Variants in INTS1 observed in about 807,000 individuals in gnomAD.
INTS1 encodes integrator complex subunit 1.
In INTS1, 137 loss-of-function variants were observed where a neutral mutation model predicts 241.6. The observed-to-expected ratio is 0.57, with a 90% CI of 0.49 to 0.65. The LOEUF is 0.65. Ranked by LOEUF, INTS1 falls within the 30% of genes least tolerant of loss-of-function variation. The pLI is 0.00. For missense variants in INTS1, 3,073 were observed against 3,032.2 expected (o/e 1.01, Z -0.32); for synonymous variants, 1,692 against 1,337.8 (o/e 1.26, Z -5.78).
rs779969676 is a variant in INTS1 at position 1,479,652 on chromosome 7, C to G, written c.4107G>C (p.Gln1369His). ...IFPLSPDPRW[Q>H]SSSPRPVALA... ...GGGCCACGGGGCGGGGACTGGAGCT[C>G]TGCCACCGAGGGTCCGGGCTGAGCG... The change falls in exon 31 of 48, where the codon CAG (glutamine) becomes CAC (histidine). Residue 1369 changes from glutamine to histidine, a missense_variant. Transcript: ENST00000404767. The G allele has an allele frequency of 2.0e-6, 3 of 1,496,858 alleles. No individual in the cohort carries two copies. The highest frequency in any genetic ancestry group is 2.7e-6 in the Non-Finnish European group (3 of 1,120,044). The allele number at this position is 1,496,858 out of a possible 1,614,324, so 92.7% of individuals were successfully genotyped here. A position where few individuals can be genotyped will look rare whatever the true frequency, so the allele number is the denominator to read the frequency against.
At chr7:1,474,878 C>A (rs1022824404) in intron 39 of INTS1, 40 bp from the exon 40 acceptor site, 3 of 1,540,942 alleles carry the variant, frequency 1.9e-6, no homozygotes, top group African/African-American at 2.7e-5. Flanking sequence ...CCGCTGGCTC[C>A]CCTCACTTGC....
chr7:1,487,195 C>T (rs778820600), intron 20 of INTS1, 94 bp from the exon 21 acceptor site: 20 of 1,506,392 alleles, frequency 1.3e-5, no homozygotes, highest in South Asian at 3.8e-5. Flanking sequence ...AAGGGCGACA[C>T]GCAGCAGCCA....
Position 1,494,881 on chromosome 7 carries a change from C to A in INTS1, c.1845G>T (p.Val615=). 2 of 1,563,112 alleles carry A rather than the reference C, an allele frequency of 1.3e-6. No homozygotes were observed. The highest frequency in any genetic ancestry group is 1.7e-6 in the Non-Finnish European group (2 of 1,154,300). ...PKDYVHCLHK[V]LFTEQPETYY... ...AGGTCTCCGGCTGCTCTGTGAACAG[C>A]ACCTTGTGCAGGCTGGGCAGGCAGA... Residue 615 remains valine, a synonymous_variant, in exon 14 of 48, where the codon GTG becomes GTT. Coordinates refer to ENST00000404767, the MANE Select transcript of INTS1 (RefSeq NM_001080453.3).
intron 20 of INTS1, 34 bp downstream of exon 20, chr7:1,487,286 C>T (rs1190270740): frequency 2.6e-6 from 4 of 1,564,272 alleles, no homozygotes; most frequent in East Asian, 2.4e-5. Flanking sequence ...CTCCCAAGAC[C>T]ACCATCTCTA....
chr7:1,494,577 G>A (rs1782753116), intron 14 of INTS1: 12 of 581,304 alleles, frequency 2.1e-5, no homozygotes, highest in Non-Finnish European at 2.5e-5. Flanking sequence ...GGGAGGCTGC[G>A]GCTGGGGCTT....
chr7:1,499,702 C>T, intron 5 of INTS1, 70 bp from the exon 6 acceptor site: 1 of 1,519,868 alleles, frequency 6.6e-7, no homozygotes, highest in Non-Finnish European at 8.9e-7. Context: ...CACCCGCCTG[C>T]TGCCCGGGGA....
chr7:1,504,009 G>A lies in INTS1; in HGVS notation c.-41-8C>T, dbSNP rs771235816. On this transcript the variant is annotated splice_region_variant and splice_polypyrimidine_tract_variant and intron_variant, in intron 1 of 47. Coordinates refer to ENST00000404767, the MANE Select transcript of INTS1 (RefSeq NM_001080453.3). ...CGGCGGCTGCGGCGTCACCTGCGGA[G>A]GAGCCAGCGTGCGGTCATTCCTTCA... The A allele has an allele frequency of 1.8e-5, 25 of 1,402,284 alleles. No individual in the cohort carries two copies. Among genetic ancestry groups the A allele is most frequent in the Admixed American group, 4.3e-5 (2 of 46,018 alleles). The allele number at this position is 1,402,284 out of a possible 1,614,324, so 86.9% of individuals were successfully genotyped here. A position where few individuals can be genotyped will look rare whatever the true frequency, so the allele number is the denominator to read the frequency against.
At chr7:1,479,731 G>A (rs1252094678) in intron 30 of INTS1, 47 bp from the exon 31 acceptor site, 3 of 1,436,956 alleles carry the variant, frequency 2.1e-6, no homozygotes, top group East Asian at 2.6e-5. Context: ...GGAGAAGGAG[G>A]AGGAGCGCAG....
chr7:1,476,317 G>A lies in INTS1; in HGVS notation c.5290C>T (p.Leu1764=), dbSNP rs1184274389. The A allele has an allele frequency of 6.3e-7, 1 of 1,587,812 alleles. No individual in the cohort carries two copies. The highest frequency in any genetic ancestry group is 1.8e-5 in the Admixed American group (1 of 56,610). Residue 1764 remains leucine, a synonymous_variant, in exon 38 of 48, where the codon CTG becomes TTG. Coordinates refer to ENST00000404767, the MANE Select transcript of INTS1 (RefSeq NM_001080453.3). The part of the protein sequence containing the change: ...ACSLIQARLP[L]LLSCCCGDDE... ...TCCCCACAGCAGCAGCTGAGCAGCA[G>A]GGGCAGCCGGGCCTGGATGAGGCTG...
In INTS1 at chr7:1,479,449, C is replaced by A. The variant is rs567015657; in HGVS notation, c.4310G>T (p.Arg1437Leu). The change falls in exon 31 of 48, where the codon CGC becomes CTC. Residue 1437 changes from arginine to leucine, a missense_variant. Coordinates refer to ENST00000404767, the MANE Select transcript of INTS1 (RefSeq NM_001080453.3). ...RSHFLACPLL[R>L]QLCQYQRCVP... Reference sequence around the variant, plus strand: ...AAGTACCTGGTACTGGCAGAGCTGGCGCAGCAGCGGGCAGGCCAGGAAGTG... The same window carrying A: ...AAGTACCTGGTACTGGCAGAGCTGGAGCAGCAGCGGGCAGGCCAGGAAGTG... The A allele has an allele frequency of 2.5e-6, 4 of 1,578,184 alleles. No individual in the cohort carries two copies. The highest frequency in any genetic ancestry group is 2.3e-5 in the East Asian group (1 of 42,938).
At position 1,500,386 on chromosome 7, in the gene INTS1, C is replaced by A; in HGVS notation, c.350-20G>T. 2.6e-6 allele frequency: 4 copies of A among 1,534,312 alleles called. No individual in the cohort carries two copies. In the South Asian group the frequency reaches 3.6e-5, roughly 14 times the overall value. ...GCAGCACTGGCCGGGGCAGGCGGTA[C>A]GGTCAGAACGGGGCCAGGGCAGGGT... On this transcript the variant is annotated intron_variant, in intron 3 of 47. Transcript: ENST00000404767.
chr7:1,500,726 C>G (rs1350281973), intron 3 of INTS1, among the ~76,000 whole-genome samples: 2 of 152,134 alleles, frequency 1.3e-5, no homozygotes, highest in South Asian at 2.1e-4. Flanking sequence ...CACTGTGGAC[C>G]GCAGCACAGT....
In INTS1 at chr7:1,493,905, G is replaced by C. The variant is rs1394623072; in HGVS notation, c.1917C>G (p.Phe639Leu). 2 of 1,560,760 alleles carry C rather than the reference G, an allele frequency of 1.3e-6. No individual in the cohort carries two copies. The highest frequency in any genetic ancestry group is 2.4e-5 in the South Asian group (2 of 84,574). ...TGGGCACCTCGGAGCACAGACGCAG[G>C]AAGAAGCTGCGGGGTGGGGGAGGCA... ...NWPPESDRNFFLRLCSEVPIL... is the reference protein window; with the variant it reads ...NWPPESDRNFLLRLCSEVPIL... Residue 639 changes from phenylalanine (F) to leucine (L), a missense_variant, in exon 15 of 48, where the codon TTC becomes TTG. Transcript: ENST00000404767. This position sits in a 1 kb window ranked among gnomAD's most constrained non-coding sequence, Gnocchi z 5.3.
In INTS1 at chr7:1,497,936, A is replaced by G. The variant is rs1224153122; in HGVS notation, c.1425+476T>C. Among the ~76,000 whole-genome samples, 1 of 152,234 alleles carries G rather than the reference A, an allele frequency of 6.6e-6. No homozygotes were observed. The highest frequency in any genetic ancestry group is 1.5e-5 in the Non-Finnish European group (1 of 68,032). ...AATGCACAGGAGGCGGGTCTGGGCCAGGCACAGGGGCTCATGCCTGTCATC... is the reference window on the plus strand; with the variant it reads ...AATGCACAGGAGGCGGGTCTGGGCCGGGCACAGGGGCTCATGCCTGTCATC... On this transcript the variant is annotated intron_variant, in intron 10 of 47. Transcript: ENST00000404767. The surrounding 1 kb of genome is among the most constrained non-coding windows in gnomAD (Gnocchi z 5.3).
chr7:1,492,743 C>T (rs1423108070), intron 16 of INTS1, among the ~76,000 whole-genome samples: 2 of 152,214 alleles, frequency 1.3e-5, no homozygotes, highest in Non-Finnish European at 2.9e-5. Context: ...CGGTTGGACT[C>T]GGGCCGAGCC....
intron 19 of INTS1, 40 bp from the exon 20 acceptor site, chr7:1,487,489 A>G (rs753209214): frequency 3.9e-5 from 63 of 1,595,738 alleles, no homozygotes; most frequent in Non-Finnish European, 5.1e-5. Flanking sequence ...GCACGCCCTG[A>G]GCGGATCACC....
chr7:1,476,741 CTGG>C (rs1781744119), intron 36 of INTS1, 50 bp downstream of exon 36: 1 of 1,612,204 alleles, frequency 6.2e-7, no homozygotes, highest in African/African-American at 1.3e-5. Context: ...TGGGAGATTT[CTGG>C]TGAAGGCCAG....
In INTS1 at chr7:1,499,101, C is replaced by A. The variant is rs372013970; in HGVS notation, c.1011G>T (p.Leu337=). 1.2e-5 allele frequency: 19 copies of A among 1,610,888 alleles called. No homozygotes were observed. In the South Asian group the frequency reaches 2.0e-4, roughly 17 times the overall value. The change falls in exon 8 of 48, where the codon CTG becomes CTT. Residue 337 remains leucine (L), a synonymous_variant. Coordinates refer to ENST00000404767, the MANE Select transcript of INTS1 (RefSeq NM_001080453.3). The part of the protein sequence containing the change: ...EYVLDMLRDQ[L]NRRQPIDNVS... ...CGTTGTCGATGGGCTGGCGCCGGTT[C>A]AGCTGGTCCCGCAGCATGTCCAGGA...
chr7:1,484,973 G>A (rs527867223), intron 24 of INTS1, 125 bp downstream of exon 24: 11 of 413,338 alleles, frequency 2.7e-5, no homozygotes, highest in African/African-American at 1.1e-4. Flanking sequence ...CCACACTGCC[G>A]GCTGGCCCCG....
Sources: gnomAD v4.1 joint callset for allele counts (sites outside exome capture counted in the v4.1 genomes callset) on GRCh38, gnomAD v4.1.1 for gene constraint, Gnocchi (gnomAD v3.1) non-coding constraint, MANE v1.5 for transcripts, NCBI Gene and HGNC (gene_info 2026-07-23, HGNC 2026-07-21) for gene names.